NFASC: variants seen among roughly 807,000 people sequenced by gnomAD.
NFASC encodes the protein neurofascin homolog.
NFASC carries 43 observed loss-of-function variants against 147.5 expected under a neutral mutation model. The ratio of observed to expected loss-of-function variants is 0.29; its 90% confidence interval spans 0.23 to 0.38. The LOEUF (loss-of-function observed/expected upper bound fraction) is 0.38, where lower values mean the gene tolerates loss of function less well. Among genes scored for constraint, NFASC ranks in the 10% least tolerant of loss-of-function variants. The probability of loss-of-function intolerance (pLI) is 1.00; values close to 1 mark genes in which losing one functional copy is unlikely to be tolerated. For synonymous variants in NFASC, 622 were observed against 665.5 expected, an observed-to-expected ratio of 0.93 and a Z score of 1.01; for missense variants, 1,320 against 1,689.0, an observed-to-expected ratio of 0.78 and a Z score of 3.83.
chr1:204,962,039 T>A, intron 8 of NFASC: 1 of 1,232,680 alleles, frequency 8.1e-7, no homozygotes, highest in Non-Finnish European at 1.2e-6. Context: ...ATTTGTTTTC[T>A]CTCCCCGTTT....
At chr1:204,962,050 A>G (rs963573525) in intron 8 of NFASC, 1 of 1,346,216 alleles carries the variant, frequency 7.4e-7, no homozygotes, top group Non-Finnish European at 1.1e-6. Flanking sequence ...CTCCCCGTTT[A>G]TGCCTCTGTG....
Position 204,995,315 on chromosome 1 carries a change from AGTGTGTGTGTGTGTGTGT to A in NFASC, c.2783-1834_2783-1817del, listed in dbSNP as rs60921990. On this transcript the variant is annotated intron_variant, in intron 24 of 29. Transcript: ENST00000339876. ...GCTTTCCCATGTATGATGTGTGCAC[AGTGTGTGTGTGTGTGTGT>A]GTGTGTGTGTGTGTGTGTGTATGTG... Among the ~76,000 whole-genome samples, 1,296 of 140,886 alleles carry A rather than the reference AGTGTGTGTGTGTGTGTGT, an allele frequency of 9.2e-3. 23 individuals carry two copies. Among genetic ancestry groups the A allele is most frequent in the South Asian group, 0.013 (52 of 4,018 alleles). The allele number at this position is 140,886 out of a possible 152,430, so 92.4% of individuals were successfully genotyped here.
intron 1 of NFASC, among the ~76,000 whole-genome samples, chr1:204,903,589 C>T (rs1409373234): frequency 1.3e-5 from 2 of 152,168 alleles, no homozygotes; most frequent in Non-Finnish European, 2.9e-5. Context: ...CTCTCATTGG[C>T]TCTTTTCTTC....
At chr1:204,856,685 C>A (rs981239421) in intron 1 of NFASC, among the ~76,000 whole-genome samples, 3 of 152,164 alleles carry the variant, frequency 2.0e-5, no homozygotes, top group Admixed American at 2.0e-4. Context: ...TCTCCCTCTC[C>A]CTATCCCCTG....
chr1:204,994,700 G>A (rs1007130304), intron 24 of NFASC, among the ~76,000 whole-genome samples: 1 of 152,194 alleles, frequency 6.6e-6, no homozygotes, highest in Non-Finnish European at 1.5e-5. Context: ...CTGTCGCCCA[G>A]GCTAGAGTGC....
At chr1:204,955,015 A>T in intron 7 of NFASC, 64 bp downstream of exon 7, 1 of 1,577,708 alleles carries the variant, frequency 6.3e-7, no homozygotes, top group Non-Finnish European at 8.7e-7. Context: ...TGGGTGTGTT[A>T]AGTGGGGAGG....
intron 5 of NFASC, among the ~76,000 whole-genome samples, chr1:204,953,286 TTTTG>T (rs200829445): frequency 6.6e-6 from 1 of 152,074 alleles, no homozygotes; most frequent in Non-Finnish European, 1.5e-5. Context: ...GCCACTGTTT[TTTTG>T]TTTGTTTGTT....
intron 1 of NFASC, among the ~76,000 whole-genome samples, chr1:204,895,082 C>T (rs544108417): frequency 6.6e-6 from 1 of 152,116 alleles, no homozygotes; most frequent in Non-Finnish European, 1.5e-5. Flanking sequence ...AAACTGAAAA[C>T]CTCTAGTCTA....
chr1:204,887,536 C>T (rs2081522981), intron 1 of NFASC, among the ~76,000 whole-genome samples: 1 of 141,210 alleles, frequency 7.1e-6, no homozygotes, highest in African/African-American at 2.6e-5. Context: ...TGTGGAATTG[C>T]TGGATTATGT....
chr1:204,989,178 T>G, intron 23 of NFASC: 1 of 270,564 alleles, frequency 3.7e-6, no homozygotes, highest in Middle Eastern at 1.3e-3. Context: ...GAGGCAGGAA[T>G]ATGATTGTGA....
At position 204,877,043 on chromosome 1, in the gene NFASC, AT is replaced by A. The variant is rs1194834137; in HGVS notation, c.-199-43588del. On this transcript the variant is annotated intron_variant, in intron 1 of 29. Transcript: ENST00000339876. ...ATATATATATAATATATATTTATAT[AT>A]ATATAATATATTTATTTATATATTT... Among the ~76,000 whole-genome samples, 5 of 102,140 alleles carry A rather than the reference AT, an allele frequency of 4.9e-5. 1 individual carries two copies. The East Asian group carries it at 2.7e-3, about 55-fold the overall frequency. The allele number at this position is 102,140 out of a possible 152,430, so 67.0% of individuals were successfully genotyped here. A position where few individuals can be genotyped will look rare whatever the true frequency, so the allele number is the denominator to read the frequency against.
At chr1:204,977,519 A>G (rs1259360007) in intron 16 of NFASC, among the ~76,000 whole-genome samples, 162 bp from the exon 17 acceptor site, 1 of 152,200 alleles carries the variant, frequency 6.6e-6, no homozygotes, top group East Asian at 1.9e-4. Flanking sequence ...GATGGCCTCT[A>G]TAAGGGTAGG....
chr1:204,839,966 G>A (rs1483923326), intron 1 of NFASC, among the ~76,000 whole-genome samples: 7 of 152,184 alleles, frequency 4.6e-5, no homozygotes, highest in Non-Finnish European at 7.3e-5. Context: ...GCCCTGCCTG[G>A]TGGGGAGTGA....
At chr1:204,870,567 G>C (rs942702067) in intron 1 of NFASC, 1 of 661,498 alleles carries the variant, frequency 1.5e-6, no homozygotes, top group Non-Finnish European at 1.9e-6. Context: ...TGGGGAGCCT[G>C]GCCCGGCCTG....
intron 1 of NFASC, among the ~76,000 whole-genome samples, chr1:204,855,690 C>G (rs755057182): frequency 1.3e-5 from 2 of 152,160 alleles, no homozygotes; most frequent in Non-Finnish European, 2.9e-5. Context: ...GGACACAATT[C>G]TAAAGCATTG....
intron 8 of NFASC, among the ~76,000 whole-genome samples, chr1:204,958,744 T>C (rs1484786821): frequency 1.3e-5 from 2 of 152,126 alleles, no homozygotes; most frequent in Non-Finnish European, 1.5e-5. Context: ...GGGAGGCCAG[T>C]AGAGAGCACC....
In NFASC at chr1:205,002,633, G is replaced by A. The variant is rs771861513; in HGVS notation, c.3174G>A (p.Gln1058=). 8.3e-6 allele frequency: 13 copies of A among 1,560,354 alleles called. No homozygotes were observed. Among genetic ancestry groups the A allele is most frequent in the Non-Finnish European group, 1.1e-5 (12 of 1,141,754 alleles). The change falls in exon 27 of 30, where the codon CAG becomes CAA. Residue 1058 remains glutamine, a synonymous_variant. Coordinates refer to ENST00000339876, the MANE Select transcript of NFASC (RefSeq NM_001005388.3). ...HTKKTVPVKA[Q]AQPIQLTDLY... Reference sequence around the variant, plus strand: ...AAAAAACTGTCCCAGTTAAGGCCCAGGCTCAGCCTATACAGCTGACAGACC... The same window carrying A: ...AAAAAACTGTCCCAGTTAAGGCCCAAGCTCAGCCTATACAGCTGACAGACC...
intron 1 of NFASC, among the ~76,000 whole-genome samples, chr1:204,878,123 T>A (rs1442124559): frequency 1.3e-5 from 2 of 152,218 alleles, no homozygotes; most frequent in South Asian, 2.1e-4. Flanking sequence ...AACATCTTTG[T>A]TTCCTCAAGG....
intron 1 of NFASC, among the ~76,000 whole-genome samples, chr1:204,841,988 C>G (rs1332599765): frequency 6.6e-6 from 1 of 152,172 alleles, no homozygotes; most frequent in Non-Finnish European, 1.5e-5. Context: ...CATGGTCTGA[C>G]CAGTTAGCGG....
Sources: allele counts gnomAD v4.1 joint callset (sites outside exome capture counted in the v4.1 genomes callset), GRCh38; gene constraint gnomAD v4.1.1; transcripts MANE v1.5; gene names NCBI Gene and HGNC (gene_info 2026-07-23, HGNC 2026-07-21).